The following STXBP5L variants were observed in gnomAD, a reference collection of about 807,000 sequenced individuals.
The protein encoded by STXBP5L is syntaxin-binding protein 5-like.
STXBP5L carries 65 observed loss-of-function variants against 144.5 expected under a neutral mutation model. The observed-to-expected ratio is 0.45, with a 90% confidence interval of 0.37 to 0.55. The LOEUF is 0.55. Among genes scored for constraint, STXBP5L ranks in the 20% least tolerant of loss-of-function variants. STXBP5L has a pLI of 0.00. For missense variants in STXBP5L, 1,298 were observed against 1,405.5 expected (o/e 0.92, Z 1.22); for synonymous variants, 505 against 469.6 (o/e 1.08, Z -0.97).
Position 121,071,410 on chromosome 3 carries a change from C to T in STXBP5L, c.470+25875C>T, listed in dbSNP as rs147766059. 3.2e-3 allele frequency among the ~76,000 whole-genome samples: 487 copies of T among 152,294 alleles called. 3 individuals carry two copies. Among genetic ancestry groups the T allele is most frequent in the African/African-American group, 0.01 (433 of 41,568 alleles). On this transcript the variant is annotated intron_variant, in intron 5 of 26. Coordinates refer to ENST00000471454, the MANE Select transcript of STXBP5L (RefSeq NM_001308330.2). ...TCCTCAAGCTTCAGTTGTGCATGGACCGACCAGCCTCTGGTGCAGTCAGAG... is the reference window on the plus strand; with the variant it reads ...TCCTCAAGCTTCAGTTGTGCATGGATCGACCAGCCTCTGGTGCAGTCAGAG...
chr3:121,357,468 G>C (rs1339338473), intron 20 of STXBP5L: 1 of 152,598 alleles, frequency 6.6e-6, no homozygotes, highest in Non-Finnish European at 1.5e-5. Context: ...ATTAATGTTT[G>C]AAAACCCAAC....
chr3:121,276,046 T>C (rs1366022112), intron 18 of STXBP5L, among the ~76,000 whole-genome samples: 1 of 151,872 alleles, frequency 6.6e-6, no homozygotes, highest in Non-Finnish European at 1.5e-5. Context: ...TTCTAATTTG[T>C]TTTTCTCTTT....
intron 5 of STXBP5L, among the ~76,000 whole-genome samples, chr3:121,092,311 G>T (rs1472225722): frequency 1.3e-5 from 2 of 152,050 alleles, no homozygotes; most frequent in Non-Finnish European, 2.9e-5. Flanking sequence ...TGTGATGAAA[G>T]TCATTGGTAG....
At chr3:120,961,942 C>T (rs1239337709) in intron 3 of STXBP5L, among the ~76,000 whole-genome samples, 1 of 152,162 alleles carries the variant, frequency 6.6e-6, no homozygotes, top group East Asian at 1.9e-4. Flanking sequence ...TCTGTTGTTT[C>T]CTGACTTTTT....
intron 1 of STXBP5L, 123 bp from the exon 2 acceptor site, chr3:120,909,448 C>G: frequency 1.2e-6 from 1 of 830,666 alleles, no homozygotes; most frequent in Non-Finnish European, 1.8e-6. Context: ...TCCAGTCGGT[C>G]GTAACCAATG....
At chr3:121,136,086 G>C (rs2045245159) in intron 7 of STXBP5L, among the ~76,000 whole-genome samples, 1 of 152,178 alleles carries the variant, frequency 6.6e-6, no homozygotes. Flanking sequence ...CGGGCCTTAG[G>C]CATGCCCTGG....
chr3:121,152,245 A>G (rs1331886805), intron 7 of STXBP5L, among the ~76,000 whole-genome samples: 1 of 151,850 alleles, frequency 6.6e-6, no homozygotes, highest in African/African-American at 2.4e-5. Context: ...ATATATATTT[A>G]TATTCTTCCT....
chr3:121,378,993 C>A, intron 21 of STXBP5L, 107 bp downstream of exon 21: 2 of 1,206,800 alleles, frequency 1.7e-6, no homozygotes, highest in Non-Finnish European at 2.3e-6. Flanking sequence ...TGTTAAAAAA[C>A]TACTAATCAG....
At chr3:120,910,081 T>G (rs1448732901) in intron 2 of STXBP5L, among the ~76,000 whole-genome samples, 2 of 152,226 alleles carry the variant, frequency 1.3e-5, no homozygotes, top group Non-Finnish European at 2.9e-5. Flanking sequence ...GTCGTTTGGT[T>G]TTTTGTGTTA....
At chr3:121,307,198 G>C (rs555789164) in intron 19 of STXBP5L, among the ~76,000 whole-genome samples, 1 of 152,074 alleles carries the variant, frequency 6.6e-6, no homozygotes, top group Admixed American at 6.6e-5. Flanking sequence ...GGAATCAGTC[G>C]TCAGTACCCA....
chr3:121,352,705 C>G (rs904457041), intron 20 of STXBP5L, among the ~76,000 whole-genome samples: 4 of 152,032 alleles, frequency 2.6e-5, no homozygotes, highest in African/African-American at 9.7e-5. Context: ...CTGGCCAGAA[C>G]TTCCAACATT....
At chr3:121,040,606 T>C (rs1271588107) in intron 3 of STXBP5L, among the ~76,000 whole-genome samples, 1 of 152,070 alleles carries the variant, frequency 6.6e-6, no homozygotes, top group South Asian at 2.1e-4. Flanking sequence ...GAGCTCTTTT[T>C]GTGTGTCACA....
chr3:121,240,264 A>G (rs143163239), intron 13 of STXBP5L, among the ~76,000 whole-genome samples, 176 bp from the exon 14 acceptor site: 2 of 152,292 alleles, frequency 1.3e-5, no homozygotes, highest in East Asian at 1.9e-4. Flanking sequence ...GGAATTGTGC[A>G]TTTAGAGGTG....
At chr3:121,244,442 A>G (rs1216112900) in intron 14 of STXBP5L, among the ~76,000 whole-genome samples, 1 of 151,642 alleles carries the variant, frequency 6.6e-6, no homozygotes, top group African/African-American at 2.4e-5. Flanking sequence ...GAATTTAAGA[A>G]GGGGCGGGGA....
chr3:121,247,402 C>T (rs765070104), intron 14 of STXBP5L, among the ~76,000 whole-genome samples: 12 of 152,208 alleles, frequency 7.9e-5, no homozygotes, highest in African/African-American at 2.7e-4. Context: ...AGGATTGTTA[C>T]ATGGGTATAT....
chr3:121,100,665 C>A (rs1397625095), intron 5 of STXBP5L, among the ~76,000 whole-genome samples: 1 of 151,896 alleles, frequency 6.6e-6, no homozygotes, highest in African/African-American at 2.4e-5. Flanking sequence ...AATTAATGAT[C>A]TAACATCAAA....
At chr3:120,981,302 C>CT (rs1559948233) in intron 3 of STXBP5L, among the ~76,000 whole-genome samples, 1 of 152,092 alleles carries the variant, frequency 6.6e-6, no homozygotes, top group East Asian at 1.9e-4. Flanking sequence ...TTTTTTAATA[C>CT]TTTTTACATC....
At position 121,093,813 on chromosome 3, in the gene STXBP5L, G is replaced by T. The variant is rs530961813; in HGVS notation, c.471-21112G>T. 2.0e-5 allele frequency among the ~76,000 whole-genome samples: 3 copies of T among 152,250 alleles called. No homozygotes were observed. In the South Asian group the frequency reaches 6.2e-4, roughly 32 times the overall value. ...TTTAGTTATTTCTTGCCTTCTGCTA[G>T]CTTTTGAATGTGTTTGCTCTTTCTT... On this transcript the variant is annotated intron_variant, in intron 5 of 26. Transcript: ENST00000471454.
At chr3:121,290,426 C>G (rs141621785) in intron 19 of STXBP5L, among the ~76,000 whole-genome samples, 1 of 151,610 alleles carries the variant, frequency 6.6e-6, no homozygotes, top group Non-Finnish European at 1.5e-5. Flanking sequence ...TTGCCAACAA[C>G]AAAAAAAGTC....
Sources: allele counts gnomAD v4.1 joint callset (sites outside exome capture counted in the v4.1 genomes callset), GRCh38; gene constraint gnomAD v4.1.1; transcripts MANE v1.5; gene names NCBI Gene and HGNC (gene_info 2026-07-23, HGNC 2026-07-21).